ADCY7: variants seen among roughly 807,000 people sequenced by gnomAD.
ADCY7 encodes the protein adenylate cyclase type 7.
Under a neutral mutation model 120.6 loss-of-function variants are expected in ADCY7, and 72 were observed. The observed-to-expected ratio is 0.60, with a 90% CI of 0.49 to 0.73. The LOEUF is 0.73. Among genes scored for constraint, ADCY7 ranks in the 30% least tolerant of loss-of-function variants. The pLI is 0.00. For synonymous variants in ADCY7, 661 were observed against 628.0 expected (o/e 1.05, Z -0.78); for missense variants, 1,227 against 1,486.0 (o/e 0.83, Z 2.87).
At chr16:50,259,271 G>A (rs1445681299) in intron 1 of ADCY7, among the ~76,000 whole-genome samples, 1 of 152,144 alleles carries the variant, frequency 6.6e-6, no homozygotes, top group Non-Finnish European at 1.5e-5. Context: ...GCAGTTCTAG[G>A]AGCTGCTATT....
chr16:50,291,087 AG>A (rs1157223705), intron 3 of ADCY7, among the ~76,000 whole-genome samples: 5 of 151,890 alleles, frequency 3.3e-5, no homozygotes, highest in Admixed American at 3.3e-4. Flanking sequence ...GTTGAGAGAG[AG>A]GGCCCTTTCT....
rs146444056 is a variant in ADCY7, at chr16:50,261,521, C to T, written c.-64+15318C>T. Among the ~76,000 whole-genome samples, 151 of 152,286 alleles carry T rather than the reference C, an allele frequency of 9.9e-4. 1 individual carries two copies. Among genetic ancestry groups the T allele is most frequent in the African/African-American group, 3.3e-3 (136 of 41,566 alleles). On this transcript the variant is annotated intron_variant, in intron 1 of 4. Transcript: ENST00000564044. Reference sequence around the variant, plus strand: ...AAGTTGTTTGAAGGAGGGGCAGGCACGTCGCAGAGCCTAGGGATTTAGGGT... The same window carrying T: ...AAGTTGTTTGAAGGAGGGGCAGGCATGTCGCAGAGCCTAGGGATTTAGGGT...
intron 19 of ADCY7, 86 bp from the exon 20 acceptor site, chr16:50,311,607 T>G (rs2036465036): frequency 6.7e-6 from 6 of 901,480 alleles, no homozygotes; most frequent in Non-Finnish European, 1.1e-5. Context: ...CCCTTTCCCC[T>G]GGGTGTGCGT....
chr16:50,274,941 C>T (rs938102112), intron 1 of ADCY7, among the ~76,000 whole-genome samples: 3 of 152,180 alleles, frequency 2.0e-5, no homozygotes, highest in Non-Finnish European at 4.4e-5. Context: ...CATCACCTGA[C>T]ATTCAGCCCA....
At chr16:50,309,518 T>C (rs1405246726) in intron 17 of ADCY7, 30 bp from the exon 18 acceptor site, 27 of 1,599,636 alleles carry the variant, frequency 1.7e-5, no homozygotes, top group Non-Finnish European at 2.3e-5. Flanking sequence ...TTCTTGTCCC[T>C]GGACTGATGG....
At chr16:50,304,075 C>G (rs1292718644) in intron 10 of ADCY7, among the ~76,000 whole-genome samples, 1 of 152,038 alleles carries the variant, frequency 6.6e-6, no homozygotes, top group Non-Finnish European at 1.5e-5. Flanking sequence ...GGGTTGGGTA[C>G]AGTGGTGGGT....
At position 50,288,011 on chromosome 16, in the gene ADCY7, TG is replaced by T; in HGVS notation, c.-168del. The T allele has an allele frequency of 1.4e-6, 1 of 705,532 alleles. No individual in the cohort carries two copies. The highest frequency in any genetic ancestry group is 2.2e-6 in the Non-Finnish European group (1 of 446,914). The allele number at this position is 705,532 out of a possible 1,614,324, so 43.7% of individuals were successfully genotyped here. On this transcript the variant is annotated 5_prime_UTR_variant, in exon 2 of 26. Transcript: ENST00000673801. ...TGGTGCCAGAGCTGTGCGGACCCCT[TG>T]TTGGCCATGGAGCAGCAGGCCCAGA...
At chr16:50,294,806 C>T (rs1472748577) in intron 7 of ADCY7, 55 bp downstream of exon 7, 35 of 1,271,726 alleles carry the variant, frequency 2.8e-5, no homozygotes, top group Non-Finnish European at 3.8e-5. Flanking sequence ...GCCTATTACA[C>T]CCCAGGGGTG....
intron 10 of ADCY7, among the ~76,000 whole-genome samples, chr16:50,302,884 G>A (rs561997318): frequency 3.7e-4 from 56 of 152,340 alleles, no homozygotes; most frequent in African/African-American, 1.3e-3. Flanking sequence ...CATGGAGGTG[G>A]ATTTTCTGCA....
intron 6 of ADCY7, 43 bp downstream of exon 6, chr16:50,293,545 CCCACCGTT>C: frequency 6.3e-7 from 1 of 1,599,894 alleles, no homozygotes; most frequent in South Asian, 1.1e-5. Context: ...GGGGACTGGG[CCCACCGTT>C]CCACCGGCCC....
chr16:50,254,045 C>G (rs2032840109), intron 1 of ADCY7, among the ~76,000 whole-genome samples: 1 of 152,174 alleles, frequency 6.6e-6, no homozygotes, highest in African/African-American at 2.4e-5. Flanking sequence ...GACCCTGAGA[C>G]CTCGGGGGAG....
chr16:50,304,698 A>G, intron 11 of ADCY7, 147 bp downstream of exon 11: 2 of 1,038,796 alleles, frequency 1.9e-6, no homozygotes, highest in Non-Finnish European at 2.8e-6. Flanking sequence ...CTGGGGCTGG[A>G]GAGGAAGCAA....
intron 21 of ADCY7, 37 bp downstream of exon 21, chr16:50,312,228 C>CG: frequency 6.2e-7 from 1 of 1,610,470 alleles, no homozygotes; most frequent in Admixed American, 1.7e-5. Flanking sequence ...GGCAGGGAGG[C>CG]GGACGGTCCA....
intron 1 of ADCY7, among the ~76,000 whole-genome samples, chr16:50,278,858 ATCTCTC>A (rs58339821): frequency 7.5e-6 from 1 of 132,568 alleles, no homozygotes; most frequent in Non-Finnish European, 1.6e-5. Context: ...CGTGAAATGG[ATCTCTC>A]TCTCTCTCTC....
intron 1 of ADCY7, among the ~76,000 whole-genome samples, chr16:50,257,646 G>T (rs4470144): frequency 6.6e-6 from 1 of 151,928 alleles, no homozygotes; most frequent in Non-Finnish European, 1.5e-5. Context: ...AACATTAGCA[G>T]TAATTCTTTA....
chr16:50,246,570 C>T (rs919318008), intron 1 of ADCY7, among the ~76,000 whole-genome samples: 14 of 152,126 alleles, frequency 9.2e-5, no homozygotes, highest in Non-Finnish European at 1.5e-4. Context: ...CAGAAGGGGG[C>T]TGGCTCGGGG....
intron 1 of ADCY7, among the ~76,000 whole-genome samples, chr16:50,247,477 T>G (rs1057251381): frequency 2.0e-5 from 3 of 151,096 alleles, no homozygotes; most frequent in African/African-American, 7.3e-5. Context: ...TCCTCCCACC[T>G]CAGCCTCCCG....
intron 5 of ADCY7, 69 bp downstream of exon 5, chr16:50,292,894 C>T (rs1447247077): frequency 6.4e-7 from 1 of 1,560,016 alleles, no homozygotes; most frequent in East Asian, 2.2e-5. Context: ...GGACATGAGA[C>T]ACTCATGCTG....
rs76513303 is a variant in ADCY7 at position 50,305,088 on chromosome 16, G to A, written c.1595+129G>A. On this transcript the variant is annotated intron_variant, in intron 12 of 25. Transcript: ENST00000673801. ...CAGGACCTCTGTGAAGTTGGCCAGGGCTTGGGTCAAAGCATTTCTAGGAAC... is the reference window on the plus strand; with the variant it reads ...CAGGACCTCTGTGAAGTTGGCCAGGACTTGGGTCAAAGCATTTCTAGGAAC... 2.2e-3 allele frequency: 2,665 copies of A among 1,230,452 alleles called. 39 individuals carry two copies. The African/African-American group carries it at 0.034, about 16-fold the overall frequency. 76.2% of individuals were successfully genotyped at this position (1,230,452 alleles called of 1,614,324 possible).
Sources: allele counts gnomAD v4.1 joint callset (sites outside exome capture counted in the v4.1 genomes callset), GRCh38; gene constraint gnomAD v4.1.1; transcripts MANE v1.5; gene names NCBI Gene and HGNC (gene_info 2026-07-23, HGNC 2026-07-21).